Variants in FGFR1 observed in about 807,000 individuals in gnomAD.
FGFR1 encodes the protein fibroblast growth factor receptor 1, also known as FGFR1/PLAG1 fusion.
In FGFR1, 18 loss-of-function variants were observed where a neutral mutation model predicts 93.7. The observed-to-expected ratio is 0.19, with a 90% CI of 0.13 to 0.28. The LOEUF (loss-of-function observed/expected upper bound fraction) is 0.28. Among genes scored for constraint, FGFR1 ranks in the 10% least tolerant of loss-of-function variants. The pLI, the probability that FGFR1 is intolerant of heterozygous loss-of-function variation, is 1.00. For synonymous variants in FGFR1, 448 were observed against 429.3 expected (o/e 1.04, Z -0.54); for missense variants, 731 against 1,080.4 (o/e 0.68, Z 4.53).
At position 38,413,912 on chromosome 8, in the gene FGFR1, C is replaced by A. The variant is rs905873179; in HGVS notation, c.2292+6G>T. 52 of 1,613,742 alleles carry A rather than the reference C, an allele frequency of 3.2e-5. No homozygotes were observed. Among genetic ancestry groups the A allele is most frequent in the Non-Finnish European group, 4.3e-5 (51 of 1,179,884 alleles). ...TGAGCTCTGGCTCTGGCACGGGCAGCCTTACCTGGTTGGAGGTCAAGGCCA... is the reference window on the plus strand; with the variant it reads ...TGAGCTCTGGCTCTGGCACGGGCAGACTTACCTGGTTGGAGGTCAAGGCCA... On this transcript the variant is annotated splice_donor_region_variant and intron_variant, in intron 17 of 17. Coordinates refer to ENST00000447712, the MANE Select transcript of FGFR1 (RefSeq NM_023110.3). This position sits in a 1 kb window ranked among gnomAD's most constrained non-coding sequence, Gnocchi z 4.2.
intron 2 of FGFR1, chr8:38,430,154 C>A: frequency 5.1e-6 from 3 of 589,392 alleles, no homozygotes; most frequent in Non-Finnish European, 9.0e-6. Context: ...TGGGAACCCC[C>A]ATCTCTTTTC....
chr8:38,438,969 G>A (rs557782185), intron 2 of FGFR1, among the ~76,000 whole-genome samples: 66 of 152,212 alleles, frequency 4.3e-4, no homozygotes, highest in Middle Eastern at 3.4e-3. Flanking sequence ...CTGCCCCTGC[G>A]AGTCCAGCAG....
At chr8:38,416,186 G>T in intron 12 of FGFR1, 126 bp from the exon 13 acceptor site, 1 of 786,176 alleles carries the variant, frequency 1.3e-6, no homozygotes. Flanking sequence ...CCTCTTAGGG[G>T]ACCTGGGAAA....
In FGFR1 at chr8:38,412,388, C is replaced by T. The variant is rs1414749267; in HGVS notation, c.*1240G>A. 1 of 232,608 alleles carries T rather than the reference C, an allele frequency of 4.3e-6. No homozygotes were observed. The highest frequency in any genetic ancestry group is 8.5e-6 in the Non-Finnish European group (1 of 117,700). The allele number at this position is 232,608 out of a possible 1,614,324, so 14.4% of individuals were successfully genotyped here. On this transcript the variant is annotated 3_prime_UTR_variant, in exon 18 of 18. Coordinates refer to ENST00000447712, the MANE Select transcript of FGFR1 (RefSeq NM_023110.3). ...ACTGTAGCTCTACCCCGTGGCTATT[C>T]CTAGGTAGGTGCCCCCTCCCCAGCC...
intron 3 of FGFR1, chr8:38,428,775 ATTC>A (rs1424396355): frequency 5.1e-6 from 2 of 391,004 alleles, no homozygotes; most frequent in Non-Finnish European, 9.7e-6. Context: ...GGCAACCTGT[ATTC>A]TTCTTTGGAC....
rs752866466 is a variant in FGFR1 at position 38,413,902 on chromosome 8, G to C, written c.2292+16C>G. ...GGGGACGGCCTGAGCTCTGGCTCTGGCACGGGCAGCCTTACCTGGTTGGAG... is the reference window on the plus strand; with the variant it reads ...GGGGACGGCCTGAGCTCTGGCTCTGCCACGGGCAGCCTTACCTGGTTGGAG... On this transcript the variant is annotated intron_variant, in intron 17 of 17. Transcript: ENST00000447712. This position sits in a 1 kb window ranked among gnomAD's most constrained non-coding sequence, Gnocchi z 4.2. 12 of 1,613,494 alleles carry C rather than the reference G, an allele frequency of 7.4e-6. No homozygotes were observed. The South Asian group carries it at 7.7e-5, about 10-fold the overall frequency.
chr8:38,454,819 C>T (rs866044486), intron 2 of FGFR1, among the ~76,000 whole-genome samples: 31 of 152,130 alleles, frequency 2.0e-4, no homozygotes, highest in African/African-American at 7.0e-4. Flanking sequence ...AGTGGCAGAG[C>T]AGGATGCAAA....
intron 2 of FGFR1, 151 bp from the exon 3 acceptor site, chr8:38,430,099 A>C: frequency 1.3e-6 from 1 of 764,284 alleles, no homozygotes; most frequent in Non-Finnish European, 2.1e-6. Flanking sequence ...GAGCCAGGGC[A>C]GTGGGAATTG....
At position 38,464,071 on chromosome 8, in the gene FGFR1, T is replaced by C. The variant is rs574496501; in HGVS notation, c.-89+3910A>G. Reference sequence around the variant, plus strand: ...GGCTCACACCTGTAATCCCAGCATTTTGGGAGGCCGAGGCCAGCGGATTGC... The same window carrying C: ...GGCTCACACCTGTAATCCCAGCATTCTGGGAGGCCGAGGCCAGCGGATTGC... On this transcript the variant is annotated intron_variant, in intron 1 of 17. Coordinates refer to ENST00000447712, the MANE Select transcript of FGFR1 (RefSeq NM_023110.3). 3.8e-4 allele frequency among the ~76,000 whole-genome samples: 58 copies of C among 152,114 alleles called. No individual in the cohort carries two copies. Among genetic ancestry groups the C allele is most frequent in the South Asian group, 2.3e-3 (11 of 4,816 alleles).
chr8:38,467,550 A>C (rs2151500534), intron 1 of FGFR1: 1 of 234,462 alleles, frequency 4.3e-6, no homozygotes, highest in East Asian at 6.0e-5. Flanking sequence ...AGTGGAATGC[A>C]ACACACACAC....
rs754479605 is a variant in FGFR1, at chr8:38,421,701, T to C, written c.1081+96A>G. 1.6e-5 allele frequency: 21 copies of C among 1,321,146 alleles called. No homozygotes were observed. In the African/African-American group the frequency reaches 3.0e-4, roughly 19 times the overall value. The allele number at this position is 1,321,146 out of a possible 1,614,324, so 81.8% of individuals were successfully genotyped here. ...GCAGGCAGGAGCCCATTCTTCCAGC[T>C]CTCCTGCCTCTGTGTCTCCCCAAGC... is the stretch of plus-strand genomic sequence containing the variant. On this transcript the variant is annotated intron_variant, in intron 8 of 17. Transcript: ENST00000447712.
rs765132888 is a variant in FGFR1, at chr8:38,440,309, C to T, written c.92-10361G>A. 7.2e-5 allele frequency: 116 copies of T among 1,604,240 alleles called. 1 individual carries two copies. The highest frequency in any genetic ancestry group is 1.6e-4 in the South Asian group (14 of 89,224). On this transcript the variant is annotated intron_variant, in intron 2 of 17. Transcript: ENST00000447712. ...TGAAATGGAACTGAAAACTTACCTT[C>T]GGCTGGCAGGACCCGGCCAGAGTGC...
At chr8:38,443,324 C>T (rs760151642) in intron 2 of FGFR1, among the ~76,000 whole-genome samples, 2 of 152,048 alleles carry the variant, frequency 1.3e-5, no homozygotes, top group Non-Finnish European at 2.9e-5. Context: ...AACATCATAC[C>T]GTACCCGACG....
intron 2 of FGFR1, among the ~76,000 whole-genome samples, chr8:38,455,104 T>C (rs1292587613): frequency 1.3e-5 from 2 of 149,076 alleles, no homozygotes; most frequent in Non-Finnish European, 3.0e-5. Flanking sequence ...GCCTCCCTAA[T>C]AGTTGGGACT....
chr8:38,465,609 G>C (rs1260692212), intron 1 of FGFR1: 3 of 225,558 alleles, frequency 1.3e-5, no homozygotes, highest in Non-Finnish European at 2.6e-5. Flanking sequence ...TAGGGAGGCA[G>C]GCCATCGGCA....
At chr8:38,446,367 C>T (rs896224010) in intron 2 of FGFR1, among the ~76,000 whole-genome samples, 1 of 152,070 alleles carries the variant, frequency 6.6e-6, no homozygotes, top group Non-Finnish European at 1.5e-5. Flanking sequence ...CCCGCCACCA[C>T]ACCCGGCTAG....
chr8:38,445,183 T>C (rs1267589605), intron 2 of FGFR1, among the ~76,000 whole-genome samples: 1 of 152,158 alleles, frequency 6.6e-6, no homozygotes, highest in Non-Finnish European at 1.5e-5. Flanking sequence ...CCCTCTGATG[T>C]GAGGGAAGTG....
rs1819553770 is a variant in FGFR1 at position 38,423,431 on chromosome 8, C to T, written c.936+1078G>A. 1.5e-5 allele frequency: 6 copies of T among 398,616 alleles called. No individual in the cohort carries two copies. The East Asian group carries it at 3.4e-4, about 23-fold the overall frequency. The allele number at this position is 398,616 out of a possible 1,614,324, so 24.7% of individuals were successfully genotyped here. A position where few individuals can be genotyped will look rare whatever the true frequency, so the allele number is the denominator to read the frequency against. Reference sequence around the variant, plus strand: ...CTGCCTTCTGGGTTCAAGCAGTTAGCTTGCCTCAGCCTCCTGAGTAGCTGG... The same window carrying T: ...CTGCCTTCTGGGTTCAAGCAGTTAGTTTGCCTCAGCCTCCTGAGTAGCTGG... On this transcript the variant is annotated intron_variant, in intron 7 of 17. Transcript: ENST00000447712.
At chr8:38,441,383 G>A (rs1462927406) in intron 2 of FGFR1, among the ~76,000 whole-genome samples, 1 of 152,104 alleles carries the variant, frequency 6.6e-6, no homozygotes, top group African/African-American at 2.4e-5. Context: ...ACCTCACTGG[G>A]AGAAGGGCTG....
Sources: allele counts gnomAD v4.1 joint callset (sites outside exome capture counted in the v4.1 genomes callset), GRCh38; gene constraint gnomAD v4.1.1; non-coding constraint Gnocchi (gnomAD v3.1); transcripts MANE v1.5; gene names NCBI Gene and HGNC (gene_info 2026-07-23, HGNC 2026-07-21).